PDS5B: variants seen among roughly 807,000 people sequenced by gnomAD.
PDS5B encodes PDS5 cohesin associated factor B, also known as sister chromatid cohesion protein PDS5 homolog B.
Under a neutral mutation model 184.1 loss-of-function variants are expected in PDS5B, and 51 were observed. The observed-to-expected ratio is 0.28, with a 90% confidence interval of 0.22 to 0.35. The LOEUF (loss-of-function observed/expected upper bound fraction) is 0.35, where lower values mean the gene tolerates loss of function less well. Among genes scored for constraint, PDS5B ranks in the 10% least tolerant of loss-of-function variants. The pLI is 1.00. For synonymous variants in PDS5B, 566 were observed against 569.2 expected, an observed-to-expected ratio of 0.99 and a Z score of 0.08; for missense variants, 1,180 against 1,723.3, an observed-to-expected ratio of 0.68 and a Z score of 5.58.
At chr13:32,655,350 GTTCT>G (rs1417238910) in intron 3 of PDS5B, among the ~76,000 whole-genome samples, 2 of 50,308 alleles carry the variant, frequency 4.0e-5, no homozygotes, top group Non-Finnish European at 7.3e-5. Context: ...ATCTCTTCAT[GTTCT>G]TTGCCATATA....
intron 1 of PDS5B, among the ~76,000 whole-genome samples, chr13:32,589,336 A>G (rs538663800): frequency 2.0e-5 from 3 of 152,324 alleles, no homozygotes; most frequent in African/African-American, 7.2e-5. Flanking sequence ...AGGGTAGTAC[A>G]TTACCCTCCA....
rs775179359 is a variant in PDS5B at position 32,753,543 on chromosome 13, A to G, written c.2941+7A>G. On this transcript the variant is annotated splice_region_variant and intron_variant, in intron 25 of 34. Transcript: ENST00000315596. ...CAGCATGCAGCTGTTAGTGGTAAGC[A>G]TATAAGAAAATGGAAAGGATACTTT... The G allele has an allele frequency of 5.7e-6, 9 of 1,585,786 alleles. No individual in the cohort carries two copies. The highest frequency in any genetic ancestry group is 4.1e-5 in the African/African-American group (3 of 73,996).
At chr13:32,755,602 G>A (rs1184214987) in intron 25 of PDS5B, among the ~76,000 whole-genome samples, 1 of 151,948 alleles carries the variant, frequency 6.6e-6, no homozygotes, top group Admixed American at 6.6e-5. Flanking sequence ...GTATTTAGTA[G>A]GCCATTTCAA....
At chr13:32,696,058 C>T (rs2140854577) in intron 14 of PDS5B, among the ~76,000 whole-genome samples, 1 of 152,198 alleles carries the variant, frequency 6.6e-6, no homozygotes, top group South Asian at 2.1e-4. Flanking sequence ...CTGTTAGATG[C>T]TTTAAATTCC....
intron 6 of PDS5B, among the ~76,000 whole-genome samples, chr13:32,665,954 A>G (rs1950784145): frequency 6.6e-6 from 1 of 152,182 alleles, no homozygotes; most frequent in South Asian, 2.1e-4. Flanking sequence ...GAAAGGTCTC[A>G]TGGAAGTAGA....
At chr13:32,704,912 G>C (rs1011842591) in intron 17 of PDS5B, among the ~76,000 whole-genome samples, 1 of 152,134 alleles carries the variant, frequency 6.6e-6, no homozygotes, top group African/African-American at 2.4e-5. Flanking sequence ...AGTTTTTGCT[G>C]ATACAGAAAA....
At position 32,700,250 on chromosome 13, in the gene PDS5B, ATTCT is replaced by A. The variant is rs776180576; in HGVS notation, c.1740+388_1740+391del. On this transcript the variant is annotated intron_variant, in intron 16 of 34. Coordinates refer to ENST00000315596, the MANE Select transcript of PDS5B (RefSeq NM_015032.4). ...TAATTAATATTTTTACACAGTCTTG[ATTCT>A]TTCTTTAGGATAAATTCTAAGAAGT... Among the ~76,000 whole-genome samples, 15 of 152,166 alleles carry A rather than the reference ATTCT, an allele frequency of 9.9e-5. No homozygotes were observed. In the East Asian group the frequency reaches 1.5e-3, roughly 16 times the overall value.
chr13:32,775,849 A>G lies in PDS5B; in HGVS notation c.*797A>G. On this transcript the variant is annotated 3_prime_UTR_variant, in exon 35 of 35. Transcript: ENST00000315596. ...TGTACTGAATTCTTTATCCCATTTTATCATCCTTTCAGTTTTTATTAATCT... is the reference window on the plus strand; with the variant it reads ...TGTACTGAATTCTTTATCCCATTTTGTCATCCTTTCAGTTTTTATTAATCT... The G allele has an allele frequency of 3.4e-6, 1 of 292,802 alleles. No homozygotes were observed. The allele number at this position is 292,802 out of a possible 1,614,324, so 18.1% of individuals were successfully genotyped here.
At chr13:32,591,530 A>G (rs1487995068) in intron 1 of PDS5B, among the ~76,000 whole-genome samples, 1 of 152,200 alleles carries the variant, frequency 6.6e-6, no homozygotes, top group Non-Finnish European at 1.5e-5. Context: ...ATATTTTATT[A>G]TAACATAATT....
At chr13:32,717,721 A>T (rs1353426886) in intron 19 of PDS5B, among the ~76,000 whole-genome samples, 4 of 108,348 alleles carry the variant, frequency 3.7e-5, no homozygotes, top group East Asian at 2.2e-4. Flanking sequence ...TCAATAAATT[A>T]AAAAAAAAAA....
intron 34 of PDS5B, 25 bp downstream of exon 34, chr13:32,773,349 T>G (rs374170968): frequency 2.0e-5 from 31 of 1,582,200 alleles, no homozygotes; most frequent in Non-Finnish European, 2.3e-5. Flanking sequence ...TTTCTGTGAG[T>G]GGTGTGGGAT....
intron 1 of PDS5B, among the ~76,000 whole-genome samples, chr13:32,587,215 C>T (rs1238409948): frequency 1.3e-5 from 2 of 151,210 alleles, no homozygotes; most frequent in East Asian, 4.0e-4. Flanking sequence ...CCGCTTCGGG[C>T]CAGGGGACGG....
intron 19 of PDS5B, among the ~76,000 whole-genome samples, chr13:32,715,696 C>T (rs1156564437): frequency 6.6e-6 from 1 of 152,140 alleles, no homozygotes; most frequent in Non-Finnish European, 1.5e-5. Context: ...CCACGGTCTC[C>T]CTCTGATGCT....
At chr13:32,596,874 C>CA (rs1326493950) in intron 1 of PDS5B, among the ~76,000 whole-genome samples, 1 of 152,062 alleles carries the variant, frequency 6.6e-6, no homozygotes, top group Non-Finnish European at 1.5e-5. Flanking sequence ...TTAATGTACT[C>CA]ACGATACAAA....
At chr13:32,672,739 G>T (rs1313405295) in intron 7 of PDS5B, among the ~76,000 whole-genome samples, 1 of 152,078 alleles carries the variant, frequency 6.6e-6, no homozygotes, top group Non-Finnish European at 1.5e-5. Context: ...TTGTTCTATT[G>T]GGCCTTCCAG....
intron 1 of PDS5B, among the ~76,000 whole-genome samples, chr13:32,620,896 A>G (rs190013829): frequency 5.3e-5 from 8 of 152,298 alleles, no homozygotes; most frequent in Admixed American, 2.0e-4. Context: ...AATTTTTCTG[A>G]TAATAAACCA....
At chr13:32,658,386 TTAA>T (rs1950569702) in intron 4 of PDS5B, 45 bp from the exon 5 acceptor site, 2 of 1,428,502 alleles carry the variant, frequency 1.4e-6, no homozygotes, top group Non-Finnish European at 1.9e-6. Context: ...TTGTATATTT[TTAA>T]TAATCAAAAT....
chr13:32,613,597 A>G (rs2058174502), intron 1 of PDS5B, among the ~76,000 whole-genome samples: 1 of 152,056 alleles, frequency 6.6e-6, no homozygotes, highest in Non-Finnish European at 1.5e-5. Flanking sequence ...TCTTTTTACT[A>G]TTCAGTTGTA....
chr13:32,666,909 G>A (rs927511180), intron 6 of PDS5B, among the ~76,000 whole-genome samples: 1 of 151,858 alleles, frequency 6.6e-6, no homozygotes, highest in African/African-American at 2.4e-5. Flanking sequence ...AAGATAAAAT[G>A]TACAGAAAAT....
Sources: gnomAD v4.1 joint callset for allele counts (sites outside exome capture counted in the v4.1 genomes callset) on GRCh38, gnomAD v4.1.1 for gene constraint, MANE v1.5 for transcripts, NCBI Gene and HGNC (gene_info 2026-07-23, HGNC 2026-07-21) for gene names.